The following TMEM132D variants were observed in gnomAD, a reference collection of about 807,000 sequenced individuals.
The protein encoded by TMEM132D is mature OL transmembrane protein.
A neutral mutation model predicts 62.3 loss-of-function variants in TMEM132D; 21 were observed. The ratio of observed to expected loss-of-function variants is 0.34; its 90% confidence interval spans 0.24 to 0.49. TMEM132D has a LOEUF of 0.49. TMEM132D is among the 20% of genes least tolerant of loss of function. The pLI is 0.99. For missense variants in TMEM132D, 1,346 were observed against 1,402.8 expected (o/e 0.96, Z 0.65); for synonymous variants, 621 against 575.6 (o/e 1.08, Z -1.13).
intron 3 of TMEM132D, among the ~76,000 whole-genome samples, chr12:129,458,603 G>T (rs946210935): frequency 6.6e-6 from 1 of 152,136 alleles, no homozygotes; most frequent in Non-Finnish European, 1.5e-5. Context: ...TGTAAAAACC[G>T]CTAATGAAAC....
chr12:129,621,241 C>T (rs964581830), intron 2 of TMEM132D, among the ~76,000 whole-genome samples: 4 of 152,134 alleles, frequency 2.6e-5, no homozygotes, highest in Non-Finnish European at 5.9e-5. Context: ...GCATAGTGTG[C>T]CCTTCCTGAT....
At chr12:129,368,103 T>A (rs962647849) in intron 3 of TMEM132D, among the ~76,000 whole-genome samples, 1 of 152,176 alleles carries the variant, frequency 6.6e-6, no homozygotes, top group African/African-American at 2.4e-5. Flanking sequence ...TCTTTTTCCA[T>A]TTCTTTAAAA....
chr12:129,438,571 A>C (rs1872854102), intron 3 of TMEM132D, among the ~76,000 whole-genome samples: 1 of 152,134 alleles, frequency 6.6e-6, no homozygotes, highest in African/African-American at 2.4e-5. Flanking sequence ...ACAGAGACAC[A>C]AGTCCCTGGA....
At position 129,466,279 on chromosome 12, in the gene TMEM132D, C is replaced by CTG. The variant is rs1566078686; in HGVS notation, c.1115+64779_1115+64780insCA. On this transcript the variant is annotated intron_variant, in intron 3 of 8. Transcript: ENST00000422113. ...TATAACAGTGGCTGGTAGATTTTTCCTTTTTTTTTTTTTTTTTTTTTTTTT... is the reference window on the plus strand; with the variant it reads ...TATAACAGTGGCTGGTAGATTTTTCCTGTTTTTTTTTTTTTTTTTTTTTTTTT... Among the ~76,000 whole-genome samples, 80 of 100,396 alleles carry CTG rather than the reference C, an allele frequency of 8.0e-4. 33 individuals are homozygous for CTG. The highest frequency in any genetic ancestry group is 6.1e-4 in the Non-Finnish European group (31 of 51,236). The allele number at this position is 100,396 out of a possible 152,430, so 65.9% of individuals were successfully genotyped here. A position where few individuals can be genotyped will look rare whatever the true frequency, so the allele number is the denominator to read the frequency against.
chr12:129,568,619 T>C (rs1593069119), intron 2 of TMEM132D, among the ~76,000 whole-genome samples: 1 of 152,288 alleles, frequency 6.6e-6, no homozygotes, highest in South Asian at 2.1e-4. Flanking sequence ...TTAAGAAGAG[T>C]GTTTCTGAAA....
intron 4 of TMEM132D, among the ~76,000 whole-genome samples, chr12:129,319,933 A>G (rs1868628956): frequency 6.6e-6 from 1 of 152,214 alleles, no homozygotes; most frequent in Non-Finnish European, 1.5e-5. Context: ...ATGATGATGG[A>G]CTGTGTCCAG....
At chr12:129,381,299 TA>T in intron 3 of TMEM132D, among the ~76,000 whole-genome samples, 1 of 152,316 alleles carries the variant, frequency 6.6e-6, no homozygotes, top group Non-Finnish European at 1.5e-5. Context: ...TAAGCAGTGA[TA>T]AAGTTGCCAA....
chr12:129,488,175 G>A (rs915602794), intron 3 of TMEM132D, among the ~76,000 whole-genome samples: 4 of 152,032 alleles, frequency 2.6e-5, no homozygotes, highest in Admixed American at 1.3e-4. Context: ...TCAGAAATAA[G>A]TTGCTGTTCT....
chr12:129,530,607 C>T (rs920157991), intron 3 of TMEM132D, among the ~76,000 whole-genome samples: 2 of 152,116 alleles, frequency 1.3e-5, no homozygotes, highest in Non-Finnish European at 2.9e-5. Context: ...AATGCCTGCC[C>T]GTGAATACAA....
intron 5 of TMEM132D, among the ~76,000 whole-genome samples, chr12:129,142,124 C>T (rs908104608): frequency 1.3e-5 from 2 of 151,802 alleles, no homozygotes; most frequent in Admixed American, 6.6e-5. Context: ...AAAGGTTGGC[C>T]ATAAATAATG....
At chr12:129,080,448 C>A (rs998223790) in intron 7 of TMEM132D, among the ~76,000 whole-genome samples, 1 of 152,148 alleles carries the variant, frequency 6.6e-6, no homozygotes, top group African/African-American at 2.4e-5. Flanking sequence ...TTAGAGCATG[C>A]GACTCCTGGT....
At chr12:129,392,466 G>A (rs929859027) in intron 3 of TMEM132D, among the ~76,000 whole-genome samples, 1 of 152,176 alleles carries the variant, frequency 6.6e-6, no homozygotes, top group Non-Finnish European at 1.5e-5. Flanking sequence ...CCTTTCCTCT[G>A]ATCCTTCCTC....
chr12:129,164,203 G>A (rs1012957446), intron 5 of TMEM132D, among the ~76,000 whole-genome samples: 6 of 152,174 alleles, frequency 3.9e-5, no homozygotes, highest in Admixed American at 6.5e-5. Context: ...TCTGTGCCCC[G>A]CAGGAGTGCA....
intron 2 of TMEM132D, among the ~76,000 whole-genome samples, chr12:129,572,408 C>T (rs1214858814): frequency 6.6e-6 from 1 of 152,122 alleles, no homozygotes; most frequent in Non-Finnish European, 1.5e-5. Context: ...GGCAGGCAGG[C>T]CTGCACCCAG....
chr12:129,887,188 A>T (rs1405015475), intron 1 of TMEM132D, among the ~76,000 whole-genome samples: 2 of 152,192 alleles, frequency 1.3e-5, no homozygotes, highest in Admixed American at 1.3e-4. Flanking sequence ...ACATAAAAAC[A>T]GCACTGGCAG....
intron 2 of TMEM132D, among the ~76,000 whole-genome samples, chr12:129,688,081 T>G (rs1880974726): frequency 6.6e-6 from 1 of 152,082 alleles, no homozygotes; most frequent in South Asian, 2.1e-4. Context: ...AGCAATCAAC[T>G]GAGGGAGAGG....
At chr12:129,284,712 C>A (rs970864726) in intron 4 of TMEM132D, among the ~76,000 whole-genome samples, 2 of 152,162 alleles carry the variant, frequency 1.3e-5, no homozygotes, top group African/African-American at 4.8e-5. Context: ...CATATAAATA[C>A]AATGGAATAT....
chr12:129,304,327 A>G (rs370109157), intron 4 of TMEM132D, among the ~76,000 whole-genome samples: 26 of 152,272 alleles, frequency 1.7e-4, no homozygotes, highest in Non-Finnish European at 3.4e-4. Context: ...CATGGCCTGA[A>G]CAATCCCATA....
chr12:129,084,097 G>C lies in TMEM132D; in HGVS notation c.1649+400C>G, dbSNP rs75154555. 6.2e-3 allele frequency among the ~76,000 whole-genome samples: 940 copies of C among 152,080 alleles called. 14 individuals carry two copies. The highest frequency in any genetic ancestry group is 0.022 in the African/African-American group (901 of 41,478). On this transcript the variant is annotated intron_variant, in intron 6 of 8. Transcript: ENST00000422113. ...CCCTTCTCCTAGAATTTGTTCATTC[G>C]TTCAGCCTTGGTGCACCTCTTCCTC...
Sources: gnomAD v4.1 joint callset for allele counts (sites outside exome capture counted in the v4.1 genomes callset) on GRCh38, gnomAD v4.1.1 for gene constraint, MANE v1.5 for transcripts, NCBI Gene and HGNC (gene_info 2026-07-23, HGNC 2026-07-21) for gene names.